Variants in WNT9B observed in about 807,000 individuals in gnomAD.
WNT9B encodes Wnt family member 9B.
WNT9B carries 12 observed loss-of-function variants against 30.2 expected under a neutral mutation model. The ratio of observed to expected loss-of-function variants is 0.40; its 90% CI spans 0.26 to 0.64. WNT9B has a LOEUF of 0.64. Ranked by LOEUF, WNT9B falls within the 30% of genes least tolerant of loss-of-function variation. The probability of loss-of-function intolerance (pLI) is 0.42; values close to 1 mark genes in which losing one functional copy is unlikely to be tolerated. For missense variants in WNT9B, 442 were observed against 485.2 expected (o/e 0.91, Z 0.84); for synonymous variants, 218 against 216.9 (o/e 1.01, Z -0.05).
Position 46,851,762 on chromosome 17 carries a change from C to T in WNT9B, c.77+47C>T, listed in dbSNP as rs2084850407. On this transcript the variant is annotated intron_variant, in intron 1 of 3. Transcript: ENST00000290015. This position sits in a 1 kb window ranked among gnomAD's most constrained non-coding sequence, Gnocchi z 4.3. ...CGCCCGCTCCCCGGCCTGCCTGTCT[C>T]TCCCTCCTGCGCTACAGCTGGGCCA... 2.0e-6 allele frequency: 2 copies of T among 1,018,588 alleles called. No homozygotes were observed. The highest frequency in any genetic ancestry group is 2.5e-6 in the Non-Finnish European group (2 of 784,790). 63.1% of individuals were successfully genotyped at this position (1,018,588 alleles called of 1,614,324 possible).
chr17:46,879,766 A>G lies in WNT9B; in HGVS notation c.*3048A>G, dbSNP rs1337680849. Reference sequence around the variant, plus strand: ...CCTGGATACCACTGTGAGCCCAAGAACTCAGGGAAGCAGTTCCTTCCCAGG... The same window carrying G: ...CCTGGATACCACTGTGAGCCCAAGAGCTCAGGGAAGCAGTTCCTTCCCAGG... On this transcript the variant is annotated 3_prime_UTR_variant, in exon 4 of 4. Coordinates refer to ENST00000290015, the MANE Select transcript of WNT9B (RefSeq NM_003396.3). Among the ~76,000 whole-genome samples the G allele has an allele frequency of 2.0e-5, 3 of 152,174 alleles. No individual in the cohort carries two copies. The highest frequency in any genetic ancestry group is 6.5e-5 in the Admixed American group (1 of 15,286).
intron 1 of WNT9B, among the ~76,000 whole-genome samples, chr17:46,835,086 C>CTGGGGTCAAG (rs2084611006): frequency 6.6e-6 from 1 of 152,344 alleles, no homozygotes; most frequent in South Asian, 2.1e-4. Context: ...CCTCCATCTC[C>CTGGGGTCAAG]TGGGGTCAAG....
chr17:46,855,944 C>G (rs544143309), intron 1 of WNT9B, among the ~76,000 whole-genome samples: 15 of 152,306 alleles, frequency 9.8e-5, no homozygotes, highest in African/African-American at 3.4e-4. Flanking sequence ...CCACCTCAGC[C>G]TCCCAAACTG....
chr17:46,855,338 G>A lies in WNT9B; in HGVS notation c.77+3623G>A, dbSNP rs887557741. On this transcript the variant is annotated intron_variant, in intron 1 of 3. Coordinates refer to ENST00000290015, the MANE Select transcript of WNT9B (RefSeq NM_003396.3). ...TCTTTTCTGTCCTCAGTAGTGAGAC[G>A]GGTTGCACTGACCCCTGCTAGACTG... Among the ~76,000 whole-genome samples, 6 of 152,320 alleles carry A rather than the reference G, an allele frequency of 3.9e-5. No homozygotes were observed. The South Asian group carries it at 1.2e-3, about 32-fold the overall frequency.
intron 1 of WNT9B, among the ~76,000 whole-genome samples, chr17:46,855,065 G>C (rs1457195272): frequency 1.3e-5 from 2 of 151,532 alleles, no homozygotes; most frequent in African/African-American, 4.9e-5. Flanking sequence ...CTGAAGGTCA[G>C]AAAGGTTCAG....
At chr17:46,874,027 G>T (rs989413367) in intron 2 of WNT9B, among the ~76,000 whole-genome samples, 2 of 151,824 alleles carry the variant, frequency 1.3e-5, no homozygotes, top group African/African-American at 4.8e-5. Flanking sequence ...GCTGTACAGG[G>T]CAGCCAGGCC....
At chr17:46,865,698 C>G (rs978498520) in intron 1 of WNT9B, among the ~76,000 whole-genome samples, 2 of 152,102 alleles carry the variant, frequency 1.3e-5, no homozygotes, top group African/African-American at 4.8e-5. Context: ...CCACTGCAGC[C>G]TTGACCTCCT....
chr17:46,865,307 C>A (rs1011186283), intron 1 of WNT9B, among the ~76,000 whole-genome samples: 1 of 152,254 alleles, frequency 6.6e-6, no homozygotes, highest in African/African-American at 2.4e-5. Flanking sequence ...CTGATGCCAT[C>A]CCCTGCAGGC....
downstream of WNT9B, among the ~76,000 whole-genome samples, chr17:46,881,571 A>G (rs4968282): frequency 0.31 from 46,353 of 151,832 alleles, 7,186 homozygotes; most frequent in Admixed American, 0.35. Flanking sequence ...TCTACCATAC[A>G]CCATCCTCAC....
intron 1 of WNT9B, among the ~76,000 whole-genome samples, chr17:46,844,443 C>T (rs1014456481): frequency 2.0e-5 from 3 of 151,324 alleles, no homozygotes; most frequent in South Asian, 2.1e-4. Context: ...TTCAGGAAAA[C>T]GTGCTATGGT....
upstream of WNT9B, among the ~76,000 whole-genome samples, chr17:46,848,133 C>G (rs1163785850): frequency 6.6e-6 from 1 of 152,098 alleles, no homozygotes; most frequent in African/African-American, 2.4e-5. Context: ...AACGTGTGGA[C>G]CCAGGACCAG....
At chr17:46,863,402 A>T (rs899066209) in intron 1 of WNT9B, among the ~76,000 whole-genome samples, 1 of 152,102 alleles carries the variant, frequency 6.6e-6, no homozygotes, top group Non-Finnish European at 1.5e-5. Context: ...AATGGATCTC[A>T]GGGTATGAAA....
At chr17:46,853,138 G>A (rs1490559448) in intron 1 of WNT9B, among the ~76,000 whole-genome samples, 2 of 152,084 alleles carry the variant, frequency 1.3e-5, no homozygotes, top group African/African-American at 2.4e-5. Context: ...TGTTCCCTCG[G>A]CAGGCAGGAT....
At chr17:46,884,189 A>G (rs1201120313), downstream of WNT9B, among the ~76,000 whole-genome samples, 1 of 152,178 alleles carries the variant, frequency 6.6e-6, no homozygotes, top group African/African-American at 2.4e-5. Flanking sequence ...AGAGCCTGAC[A>G]GGCTCTAATC....
chr17:46,874,962 C>G (rs749790883), intron 2 of WNT9B, 139 bp from the exon 3 acceptor site: 2 of 1,354,228 alleles, frequency 1.5e-6, no homozygotes, highest in South Asian at 2.3e-5. Flanking sequence ...TGTCCTCAAG[C>G]CACATTCTCT....
chr17:46,862,593 G>T (rs2085059483), intron 1 of WNT9B, among the ~76,000 whole-genome samples: 2 of 151,982 alleles, frequency 1.3e-5, no homozygotes, highest in South Asian at 4.2e-4. Flanking sequence ...GTTTTGTTTT[G>T]TTTTTTTGAG....
At chr17:46,868,579 G>C (rs1259068468) in intron 1 of WNT9B, among the ~76,000 whole-genome samples, 1 of 151,958 alleles carries the variant, frequency 6.6e-6, no homozygotes, top group Non-Finnish European at 1.5e-5. Context: ...CTGGGTGATG[G>C]AGTGAGACTC....
chr17:46,877,282 C>G lies in WNT9B; in HGVS notation c.*564C>G, dbSNP rs186547148. Reference sequence around the variant, plus strand: ...CTGTGCCAGAGATGGGGAGAAAGCACAGGTGGTAGAAGCCATCCGTTCAGA... The same window carrying G: ...CTGTGCCAGAGATGGGGAGAAAGCAGAGGTGGTAGAAGCCATCCGTTCAGA... On this transcript the variant is annotated 3_prime_UTR_variant, in exon 4 of 4. Coordinates refer to ENST00000290015, the MANE Select transcript of WNT9B (RefSeq NM_003396.3). 1.2e-3 allele frequency among the ~76,000 whole-genome samples: 180 copies of G among 152,350 alleles called. No homozygotes were observed. The highest frequency in any genetic ancestry group is 4.1e-3 in the African/African-American group (172 of 41,586).
intron 1 of WNT9B, 33 bp from the exon 2 acceptor site, chr17:46,872,484 G>T: frequency 6.9e-7 from 1 of 1,459,046 alleles, no homozygotes; most frequent in South Asian, 1.5e-5. Flanking sequence ...CATCCCCAAG[G>T]CTCACCTGTC....
Sources: gnomAD v4.1 joint callset for allele counts (sites outside exome capture counted in the v4.1 genomes callset) on GRCh38, gnomAD v4.1.1 for gene constraint, Gnocchi (gnomAD v3.1) non-coding constraint, MANE v1.5 for transcripts, NCBI Gene and HGNC (gene_info 2026-07-23, HGNC 2026-07-21) for gene names.